The following MNAT1 variants were observed in gnomAD, a reference collection of about 807,000 sequenced individuals.
MNAT1 encodes MNAT1 component of CDK activating kinase.
MNAT1 carries 43 observed loss-of-function variants against 42.0 expected under a neutral mutation model. That is an observed-to-expected ratio of 1.02 (90% CI 0.80 to 1.32). The LOEUF is 1.32. Ranked by LOEUF, MNAT1 falls within the 40% of genes most tolerant of loss-of-function variation. The pLI is 0.00. For missense variants in MNAT1, 306 were observed against 350.4 expected (o/e 0.87, Z 1.01); for synonymous variants, 118 against 120.0 (o/e 0.98, Z 0.11).
chr14:60,772,334 C>T (rs957736084), intron 1 of MNAT1, among the ~76,000 whole-genome samples: 2 of 152,166 alleles, frequency 1.3e-5, no homozygotes, highest in African/African-American at 4.8e-5. Flanking sequence ...CCTGTAATCC[C>T]AGCACTTTGG....
At chr14:60,860,119 A>G (rs764908579) in intron 6 of MNAT1, among the ~76,000 whole-genome samples, 2 of 152,124 alleles carry the variant, frequency 1.3e-5, no homozygotes, top group Non-Finnish European at 2.9e-5. Context: ...CTGCAGGAAG[A>G]TGCCTTGAGT....
At position 60,737,529 on chromosome 14, in the gene MNAT1, A is replaced by G. The variant is rs191179650; in HGVS notation, c.89+2578A>G. 1.7e-3 allele frequency among the ~76,000 whole-genome samples: 258 copies of G among 152,116 alleles called. 1 individual carries two copies. Among genetic ancestry groups the G allele is most frequent in the African/African-American group, 5.5e-3 (228 of 41,498 alleles). On this transcript the variant is annotated intron_variant, in intron 1 of 7. Coordinates refer to ENST00000261245, the MANE Select transcript of MNAT1 (RefSeq NM_002431.4). Reference sequence around the variant, plus strand: ...GTTCAAATATAATTTATTTACCCCAATTTTTAAAATTAATATTTAATTATC... The same window carrying G: ...GTTCAAATATAATTTATTTACCCCAGTTTTTAAAATTAATATTTAATTATC...
At chr14:60,948,603 T>C (rs1186204442) in intron 7 of MNAT1, among the ~76,000 whole-genome samples, 1 of 152,218 alleles carries the variant, frequency 6.6e-6, no homozygotes, top group African/African-American at 2.4e-5. Flanking sequence ...TTACTCATTA[T>C]GTTTTCTGTA....
chr14:60,740,116 C>A lies in MNAT1; in HGVS notation c.89+5165C>A, dbSNP rs943472734. On this transcript the variant is annotated intron_variant, in intron 1 of 7. Coordinates refer to ENST00000261245, the MANE Select transcript of MNAT1 (RefSeq NM_002431.4). The surrounding 1 kb of genome is among the most constrained non-coding windows in gnomAD (Gnocchi z 4.1). ...GTTGCAGTGAGCCGAGATCACACCA[C>A]TGCACTCCAGCCTAGGCTACAGAGC... 3.9e-5 allele frequency among the ~76,000 whole-genome samples: 6 copies of A among 152,218 alleles called. No individual in the cohort carries two copies. The highest frequency in any genetic ancestry group is 1.4e-4 in the African/African-American group (6 of 41,450).
chr14:60,937,239 T>C lies in MNAT1; in HGVS notation c.810-30990T>C, dbSNP rs951663590. 1.9e-3 allele frequency among the ~76,000 whole-genome samples: 293 copies of C among 152,288 alleles called. 1 individual carries two copies. The highest frequency in any genetic ancestry group is 6.5e-3 in the African/African-American group (270 of 41,558). ...GAAGCTCTTTAGTTTAATTAGATCC[T>C]GTTTGTCAATTTTGGCTTTTGTTGC... is the stretch of plus-strand genomic sequence containing the variant. On this transcript the variant is annotated intron_variant, in intron 7 of 7. Coordinates refer to ENST00000261245, the MANE Select transcript of MNAT1 (RefSeq NM_002431.4).
intron 7 of MNAT1, among the ~76,000 whole-genome samples, chr14:60,956,217 T>C (rs2036485805): frequency 6.6e-6 from 1 of 152,152 alleles, no homozygotes; most frequent in Non-Finnish European, 1.5e-5. Context: ...TCTTAAGATA[T>C]TTTTCTTGAG....
At chr14:60,766,580 C>T (rs774885240) in intron 1 of MNAT1, among the ~76,000 whole-genome samples, 1 of 150,480 alleles carries the variant, frequency 6.6e-6, no homozygotes, top group Admixed American at 6.6e-5. Context: ...GGTGTGGTGG[C>T]GCATGCCTGT....
intron 7 of MNAT1, 146 bp from the exon 8 acceptor site, chr14:60,968,083 T>C: frequency 1.7e-6 from 1 of 587,234 alleles, no homozygotes; most frequent in Non-Finnish European, 2.9e-6. Context: ...TTTTGAAAGA[T>C]AATAATCTAT....
At chr14:60,832,279 TA>T (rs1240095062) in intron 6 of MNAT1, among the ~76,000 whole-genome samples, 1 of 152,194 alleles carries the variant, frequency 6.6e-6, no homozygotes, top group African/African-American at 2.4e-5. Flanking sequence ...TGATATTACC[TA>T]GGTTTTCTTT....
intron 7 of MNAT1, among the ~76,000 whole-genome samples, chr14:60,904,132 A>C (rs1566546316): frequency 6.6e-6 from 1 of 152,092 alleles, no homozygotes; most frequent in Non-Finnish European, 1.5e-5. Context: ...TGGCCTCCCA[A>C]AGTGCTGGGA....
chr14:60,900,881 G>A (rs755618480), intron 7 of MNAT1, among the ~76,000 whole-genome samples: 1 of 151,908 alleles, frequency 6.6e-6, no homozygotes, highest in East Asian at 1.9e-4. Context: ...TAGCTACTCA[G>A]GAGGCTGAGG....
intron 7 of MNAT1, among the ~76,000 whole-genome samples, chr14:60,954,161 T>G (rs1187708353): frequency 6.6e-6 from 1 of 152,154 alleles, no homozygotes; most frequent in Non-Finnish European, 1.5e-5. Flanking sequence ...GTTCATTTCC[T>G]TAAGCTTTAT....
At chr14:60,753,660 G>C (rs1297088005) in intron 1 of MNAT1, 1 of 152,170 alleles carries the variant, frequency 6.6e-6, no homozygotes, top group Non-Finnish European at 1.5e-5. Context: ...CCTAAATACA[G>C]CTCACATTCA....
At position 60,869,047 on chromosome 14, in the gene MNAT1, T is replaced by A. The variant is rs1349212183; in HGVS notation, c.688-10667T>A. 6.3e-5 allele frequency among the ~76,000 whole-genome samples: 9 copies of A among 143,054 alleles called. No individual in the cohort carries two copies. The East Asian group carries it at 1.4e-3, about 22-fold the overall frequency. 93.8% of individuals were successfully genotyped at this position (143,054 alleles called of 152,430 possible). On this transcript the variant is annotated intron_variant, in intron 6 of 7. Transcript: ENST00000261245. ...ACATATATATATATATATATTTTTT[T>A]TTTTTTTTTTGAGACGGAGTCTCGC...
chr14:60,925,156 A>G (rs773557355), intron 7 of MNAT1, among the ~76,000 whole-genome samples: 22 of 152,242 alleles, frequency 1.4e-4, no homozygotes, highest in Non-Finnish European at 2.6e-4. Context: ...CCTAAACAAT[A>G]CACGACAACA....
intron 7 of MNAT1, among the ~76,000 whole-genome samples, chr14:60,911,981 C>G (rs1207267784): frequency 2.6e-5 from 4 of 152,050 alleles, no homozygotes; most frequent in Non-Finnish European, 5.9e-5. Flanking sequence ...TCTCTAAGGA[C>G]TTGCTTTATG....
chr14:60,858,403 C>CAT (rs2034013850), intron 6 of MNAT1, among the ~76,000 whole-genome samples: 1 of 150,492 alleles, frequency 6.6e-6, no homozygotes, highest in South Asian at 2.1e-4. Context: ...TTATCCTTTG[C>CAT]CCACTTTTTG....
chr14:60,850,815 A>T (rs1378189400), intron 6 of MNAT1, among the ~76,000 whole-genome samples: 1 of 152,216 alleles, frequency 6.6e-6, no homozygotes, highest in Admixed American at 6.5e-5. Context: ...TGATTAGGTG[A>T]CTGGCTCCAA....
chr14:60,770,649 C>T (rs1275072231), intron 1 of MNAT1, among the ~76,000 whole-genome samples: 1 of 152,052 alleles, frequency 6.6e-6, no homozygotes, highest in Non-Finnish European at 1.5e-5. Flanking sequence ...GAAATATTAA[C>T]CCAGCAGTGG....
Sources: allele counts gnomAD v4.1 joint callset (sites outside exome capture counted in the v4.1 genomes callset), GRCh38; gene constraint gnomAD v4.1.1; non-coding constraint Gnocchi (gnomAD v3.1); transcripts MANE v1.5; gene names NCBI Gene and HGNC (gene_info 2026-07-23, HGNC 2026-07-21).